GNA12: variants seen among roughly 807,000 people sequenced by gnomAD.
The protein encoded by GNA12 is guanine nucleotide-binding protein subunit alpha-12.
A neutral mutation model predicts 26.0 loss-of-function variants in GNA12; 9 were observed. That is an observed-to-expected ratio of 0.35 (90% confidence interval 0.21 to 0.60). The LOEUF is 0.60. Among genes scored for constraint, GNA12 ranks in the 20% least tolerant of loss-of-function variants. The probability of loss-of-function intolerance (pLI) is 0.78; values close to 1 mark genes in which losing one functional copy is unlikely to be tolerated. For missense variants in GNA12, 405 were observed against 525.8 expected (o/e 0.77, Z 2.25); for synonymous variants, 264 against 219.6 (o/e 1.20, Z -1.79).
intron 2 of GNA12, among the ~76,000 whole-genome samples, chr7:2,772,683 G>T (rs962797669): frequency 1.3e-5 from 2 of 152,214 alleles, no homozygotes; most frequent in Non-Finnish European, 2.9e-5. Context: ...AATGCCAAGT[G>T]TTGGTTAGAA....
At chr7:2,771,198 G>A (rs189080138) in intron 2 of GNA12, among the ~76,000 whole-genome samples, 4 of 152,286 alleles carry the variant, frequency 2.6e-5, no homozygotes, top group African/African-American at 9.6e-5. Flanking sequence ...GGCCGGGGCA[G>A]GAGAATCGCT....
intron 2 of GNA12, among the ~76,000 whole-genome samples, chr7:2,745,662 C>A (rs966158262): frequency 6.6e-6 from 1 of 152,186 alleles, no homozygotes; most frequent in East Asian, 1.9e-4. Context: ...CAAATTCACA[C>A]ATAACAATAT....
intron 2 of GNA12, chr7:2,765,021 T>C (rs1791745851): frequency 6.6e-6 from 1 of 152,166 alleles, no homozygotes; most frequent in Non-Finnish European, 1.5e-5. Flanking sequence ...AACCTTTCCT[T>C]AAAGGAAAGG....
At chr7:2,749,211 C>T (rs1274387677) in intron 2 of GNA12, among the ~76,000 whole-genome samples, 6 of 152,256 alleles carry the variant, frequency 3.9e-5, no homozygotes, top group East Asian at 1.9e-4. Flanking sequence ...CACATGCACA[C>T]GTGTGTTTAT....
intron 2 of GNA12, among the ~76,000 whole-genome samples, chr7:2,752,305 G>A (rs1444204808): frequency 6.6e-6 from 1 of 152,140 alleles, no homozygotes; most frequent in Non-Finnish European, 1.5e-5. Flanking sequence ...TTGATAAAGG[G>A]CATCTATGAA....
At chr7:2,829,315 G>C (rs1456661046) in intron 1 of GNA12, among the ~76,000 whole-genome samples, 4 of 152,236 alleles carry the variant, frequency 2.6e-5, no homozygotes, top group Admixed American at 6.5e-5. Context: ...AAAAACTAAG[G>C]CTTCTTTAAA....
chr7:2,785,801 C>G (rs1305199900), intron 2 of GNA12, among the ~76,000 whole-genome samples: 2 of 152,158 alleles, frequency 1.3e-5, no homozygotes. Flanking sequence ...AATCCCAGCA[C>G]TTTGGGAGAC....
chr7:2,783,389 G>C (rs1792278307), intron 2 of GNA12, among the ~76,000 whole-genome samples: 1 of 152,100 alleles, frequency 6.6e-6, no homozygotes, highest in Non-Finnish European at 1.5e-5. Context: ...GATTTAGTTT[G>C]TCTCCTCCCT....
intron 2 of GNA12, among the ~76,000 whole-genome samples, chr7:2,744,730 G>A (rs1790684186): frequency 1.3e-5 from 2 of 152,154 alleles, no homozygotes; most frequent in Non-Finnish European, 2.9e-5. Context: ...TGAGCTACAG[G>A]AGGAAGTTCG....
At chr7:2,834,167 A>C (rs1334307789) in intron 1 of GNA12, among the ~76,000 whole-genome samples, 1 of 152,192 alleles carries the variant, frequency 6.6e-6, no homozygotes, top group East Asian at 1.9e-4. Context: ...ACTCCTTTGG[A>C]CTAGAAAGTT....
chr7:2,758,057 C>G (rs1488898027), intron 2 of GNA12, among the ~76,000 whole-genome samples: 2 of 152,122 alleles, frequency 1.3e-5, no homozygotes, highest in African/African-American at 4.8e-5. Context: ...ATGAGTCACT[C>G]CCTAACTCAA....
At chr7:2,766,936 G>A (rs1228317477) in intron 2 of GNA12, among the ~76,000 whole-genome samples, 1 of 152,172 alleles carries the variant, frequency 6.6e-6, no homozygotes, top group Non-Finnish European at 1.5e-5. Flanking sequence ...CATTCTAATG[G>A]ATGTGTGGTA....
chr7:2,820,920 T>C (rs1045417370), intron 1 of GNA12, among the ~76,000 whole-genome samples: 4 of 152,236 alleles, frequency 2.6e-5, no homozygotes, highest in Non-Finnish European at 5.9e-5. Flanking sequence ...TAAAAATTTC[T>C]GATAGAGATG....
chr7:2,844,022 A>T lies in GNA12; in HGVS notation c.140T>A (p.Leu47Gln). Residue 47 changes from leucine (L) to glutamine (Q), a missense_variant, in exon 1 of 4, where the codon CTG becomes CAG. Coordinates refer to ENST00000275364, the MANE Select transcript of GNA12 (RefSeq NM_007353.3). ...RRRSRDIDAL[L>Q]ARERRAVRRL... ...CCGGACCGCGCGCCGCTCGCGGGCC[A>T]GCAGCGCGTCGATGTCGCGGCTACG... The T allele has an allele frequency of 6.8e-7, 1 of 1,467,204 alleles. No homozygotes were observed. 90.9% of individuals were successfully genotyped at this position (1,467,204 alleles called of 1,614,324 possible).
chr7:2,813,460 C>A (rs142691930), intron 1 of GNA12, among the ~76,000 whole-genome samples: 8 of 152,288 alleles, frequency 5.3e-5, no homozygotes, highest in Non-Finnish European at 1.0e-4. Context: ...GTGTAGCTTG[C>A]GTAAGGGGAC....
intron 2 of GNA12, among the ~76,000 whole-genome samples, chr7:2,787,431 G>A (rs1296176931): frequency 6.6e-6 from 1 of 152,114 alleles, no homozygotes; most frequent in African/African-American, 2.4e-5. Flanking sequence ...GTCACCCACC[G>A]CTCTGGCCCA....
intron 2 of GNA12, among the ~76,000 whole-genome samples, chr7:2,755,684 ACAGT>A (rs1160795575): frequency 1.3e-5 from 2 of 152,198 alleles, no homozygotes; most frequent in African/African-American, 4.8e-5. Context: ...GCCAACAGGA[ACAGT>A]CATATTTCTT....
chr7:2,799,091 T>G (rs1001668549), intron 1 of GNA12, among the ~76,000 whole-genome samples: 7 of 152,218 alleles, frequency 4.6e-5, no homozygotes, highest in African/African-American at 1.4e-4. Flanking sequence ...AGTTCTTAGA[T>G]GTGACTCCAA....
intron 1 of GNA12, among the ~76,000 whole-genome samples, chr7:2,838,989 T>C (rs776464248): frequency 3.3e-5 from 5 of 152,120 alleles, no homozygotes; most frequent in Admixed American, 1.3e-4. Flanking sequence ...AGCAAGCATA[T>C]AGAACTCAAC....
Sources: gnomAD v4.1 joint callset for allele counts (sites outside exome capture counted in the v4.1 genomes callset) on GRCh38, gnomAD v4.1.1 for gene constraint, MANE v1.5 for transcripts, NCBI Gene and HGNC (gene_info 2026-07-23, HGNC 2026-07-21) for gene names.